Variants in LALBA observed in about 807,000 individuals in gnomAD.
LALBA encodes alpha-lactalbumin.
In LALBA, 12 loss-of-function variants were observed where a neutral mutation model predicts 13.4. The observed-to-expected ratio is 0.89, with a 90% CI of 0.57 to 1.45. LALBA has a LOEUF of 1.45. Ranked by LOEUF, LALBA falls within the 40% of genes most tolerant of loss-of-function variation. The pLI, the probability that LALBA is intolerant of heterozygous loss-of-function variation, is 0.00. For missense variants in LALBA, 145 were observed against 165.9 expected (o/e 0.87, Z 0.69); for synonymous variants, 64 against 61.0 (o/e 1.05, Z -0.23).
upstream of LALBA, among the ~76,000 whole-genome samples, chr12:48,570,285 A>T (rs1938617978): frequency 6.6e-6 from 1 of 151,970 alleles, no homozygotes; most frequent in Non-Finnish European, 1.5e-5. Flanking sequence ...CCTGCTTCCC[A>T]TTTGGCTTTG....
chr12:48,568,429 C>T, intron 3 of LALBA, 88 bp downstream of exon 3: 1 of 794,334 alleles, frequency 1.3e-6, no homozygotes, highest in East Asian at 2.5e-5. Context: ...ATTAAATGAC[C>T]AAGAGATAGG....
In LALBA at chr12:48,567,854, C is replaced by T; in HGVS notation, c.*103G>A. ...CACTACAGGGCCCAAGGCTCAGAGA[C>T]AGATAAGCTTTGGGGGAACAGAAAG... On this transcript the variant is annotated 3_prime_UTR_variant, in exon 4 of 4. Coordinates refer to ENST00000301046, the MANE Select transcript of LALBA (RefSeq NM_002289.3). 1.0e-6 allele frequency: 1 copy of T among 982,248 alleles called. No homozygotes were observed. Among genetic ancestry groups the T allele is most frequent in the Non-Finnish European group, 1.6e-6 (1 of 632,052 alleles). 60.8% of individuals were successfully genotyped at this position (982,248 alleles called of 1,614,324 possible).
chr12:48,571,386 CTTTTTTTT>C (rs60444004), upstream of LALBA, among the ~76,000 whole-genome samples: 9 of 98,032 alleles, frequency 9.2e-5, no homozygotes, highest in East Asian at 2.5e-3. Context: ...CTTCTTCTTC[CTTTTTTTT>C]TTTTTTTTTT....
rs370700619 is a variant in LALBA, at chr12:48,568,063, T to TGGCTTGAATTTCCATC, written c.369-47_369-46insGATGGAAATTCAAGCC. On this transcript the variant is annotated intron_variant, in intron 3 of 3. Transcript: ENST00000301046. ...CAAGGTGAGTTAGCTGACTGAATCTTTACATTCATTCCCAGGAGGGCTGAA... is the reference window on the plus strand; with the variant it reads ...CAAGGTGAGTTAGCTGACTGAATCTTGGCTTGAATTTCCATCTACATTCATTCCCAGGAGGGCTGAA... 618 of 1,417,480 alleles carry TGGCTTGAATTTCCATC rather than the reference T, an allele frequency of 4.4e-4. 7 individuals are homozygous for TGGCTTGAATTTCCATC. The African/African-American group carries it at 7.8e-3, about 18-fold the overall frequency. The allele number at this position is 1,417,480 out of a possible 1,614,324, so 87.8% of individuals were successfully genotyped here.
intron 3 of LALBA, 162 bp from the exon 4 acceptor site, chr12:48,568,179 A>G: frequency 1.5e-6 from 1 of 649,502 alleles, no homozygotes; most frequent in South Asian, 1.9e-5. Flanking sequence ...TCCATAAAAA[A>G]TATCCAAGAA....
At chr12:48,569,810 G>A (rs1938610874) in intron 1 of LALBA, 78 bp downstream of exon 1, 1 of 1,397,048 alleles carries the variant, frequency 7.2e-7, no homozygotes, top group Non-Finnish European at 1.0e-6. Context: ...TAAAAGTGGA[G>A]GGGCGAAGTG....
chr12:48,567,921 T>C lies in LALBA; in HGVS notation c.*36A>G. ...CATTAGGGAAGAGGTATTCCAGGAG[T>C]GTGGAGTGGGCAGGGGTGCCAAGGA... On this transcript the variant is annotated 3_prime_UTR_variant, in exon 4 of 4. Coordinates refer to ENST00000301046, the MANE Select transcript of LALBA (RefSeq NM_002289.3). 1 of 1,543,674 alleles carries C rather than the reference T, an allele frequency of 6.5e-7. No individual in the cohort carries two copies. The highest frequency in any genetic ancestry group is 1.2e-5 in the South Asian group (1 of 85,992).
rs768291142 is a variant in LALBA, at chr12:48,568,034, G to A, written c.369-17C>T. 3.8e-6 allele frequency: 6 copies of A among 1,580,822 alleles called. No homozygotes were observed. The highest frequency in any genetic ancestry group is 5.2e-6 in the Non-Finnish European group (6 of 1,160,154). ...TGGGCCAACCTGATAATGGAGAAGG[G>A]GGACAAGGTGAGTTAGCTGACTGAA... On this transcript the variant is annotated splice_polypyrimidine_tract_variant and intron_variant, in intron 3 of 3. Transcript: ENST00000301046.
upstream of LALBA, among the ~76,000 whole-genome samples, chr12:48,570,878 G>A (rs1043613951): frequency 6.6e-6 from 1 of 151,208 alleles, no homozygotes; most frequent in Non-Finnish European, 1.5e-5. Flanking sequence ...TTGAGGGGCT[G>A]AGGCAGGAGG....
rs113388912 is a variant in LALBA, at chr12:48,569,072, G to A, written c.292+10C>T. The A allele has an allele frequency of 4.9e-5, 79 of 1,605,176 alleles. No individual in the cohort carries two copies. The African/African-American group carries it at 9.1e-4, about 19-fold the overall frequency. On this transcript the variant is annotated intron_variant, in intron 2 of 3. Transcript: ENST00000301046. ...AAAAACAGAGAAAGAGGGTTATAGG[G>A]GCTACTCACTGTCACAGGAGATGTC...
chr12:48,570,096 G>A (rs1263969106), upstream of LALBA: 2 of 1,531,608 alleles, frequency 1.3e-6, no homozygotes, highest in Non-Finnish European at 1.8e-6. Flanking sequence ...AAAGCCTCAG[G>A]GGCTCTGGTA....
At chr12:48,568,434 G>C (rs1347090552) in intron 3 of LALBA, 83 bp downstream of exon 3, 3 of 806,202 alleles carry the variant, frequency 3.7e-6, no homozygotes, top group Admixed American at 2.1e-5. Flanking sequence ...ATGACCAAGA[G>C]ATAGGGTAAG....
upstream of LALBA, among the ~76,000 whole-genome samples, chr12:48,571,448 G>A (rs181316732): frequency 2.5e-3 from 350 of 139,720 alleles, 1 homozygote; most frequent in Middle Eastern, 4.1e-3. Flanking sequence ...GCAGTGGCGC[G>A]ATCTTGGCTC....
chr12:48,571,573 C>T (rs897743098), upstream of LALBA, among the ~76,000 whole-genome samples: 5 of 151,648 alleles, frequency 3.3e-5, no homozygotes, highest in East Asian at 1.9e-4. Context: ...TTAGTAGAGA[C>T]GGAGTTTCTG....
chr12:48,567,961 A>T lies in LALBA; in HGVS notation c.425T>A (p.Leu142Ter), dbSNP rs756662939. The change falls in exon 4 of 4, where the codon TTG (leucine) becomes TAG (stop). Residue 142 changes from leucine (L) to a stop codon, truncating the protein, a stop_gained. Coordinates refer to ENST00000301046, the MANE Select transcript of LALBA (RefSeq NM_002289.3). LOFTEE classifies it high-confidence loss of function. ...EKLEQWLCEK[L>*] ...GGTGCCAAGGACAGCAGACACTCAC[A>T]ACTTCTCACAAAGCCACTGTTCCAG... 6.2e-7 allele frequency: 1 copy of T among 1,605,500 alleles called. No individual in the cohort carries two copies. Among genetic ancestry groups the T allele is most frequent in the Non-Finnish European group, 8.5e-7 (1 of 1,176,360 alleles).
In LALBA at chr12:48,567,999, G is replaced by A; in HGVS notation, c.387C>T (p.Leu129=). Reference sequence around the variant, plus strand: ...GCCACTGTTCCAGCTTCTCAGTGCAGAGGGCTTTATGGGCCAACCTGATAA... The same window carrying A: ...GCCACTGTTCCAGCTTCTCAGTGCAAAGGGCTTTATGGGCCAACCTGATAA... ...GIDYWLAHKA[L]CTEKLEQWLC... Residue 129 remains leucine, a synonymous_variant, in exon 4 of 4, where the codon CTC becomes CTT. Transcript: ENST00000301046. 1 of 1,602,166 alleles carries A rather than the reference G, an allele frequency of 6.2e-7. No individual in the cohort carries two copies. The highest frequency in any genetic ancestry group is 8.5e-7 in the Non-Finnish European group (1 of 1,174,528).
intron 1 of LALBA, 50 bp downstream of exon 1, chr12:48,569,838 A>G: frequency 6.3e-7 from 1 of 1,588,846 alleles, no homozygotes. Context: ...GAGGGGATGG[A>G]GGAGAGAAGC....
At position 48,569,978 on chromosome 12, in the gene LALBA, G is replaced by A; in HGVS notation, c.43C>T (p.Pro15Ser). 6.2e-7 allele frequency: 1 copy of A among 1,614,044 alleles called. No homozygotes were observed. The highest frequency in any genetic ancestry group is 8.5e-7 in the Non-Finnish European group (1 of 1,179,992). ...VPLFLVGILF[P>S]AILAKQFTKC... The stretch of plus-strand genomic sequence containing the variant: ...GTGAATTGCTTGGCCAGGATGGCAG[G>A]GAACAGGATGCCCACCAGGAACAGA... The change falls in exon 1 of 4, where the codon CCT becomes TCT. Residue 15 changes from proline (P) to serine (S), a missense_variant. By Grantham distance (74) the Pro-to-Ser change is moderately conservative. Transcript: ENST00000301046.
At chr12:48,570,192 TC>T, upstream of LALBA, 1 of 655,906 alleles carries the variant, frequency 1.5e-6, no homozygotes, top group East Asian at 2.7e-5. Context: ...CTTCCATAAT[TC>T]ACCCTACTTT....
Sources: gnomAD v4.1 joint callset for allele counts (sites outside exome capture counted in the v4.1 genomes callset) on GRCh38, gnomAD v4.1.1 for gene constraint, MANE v1.5 for transcripts, NCBI Gene and HGNC (gene_info 2026-07-23, HGNC 2026-07-21) for gene names.